Variants in SORCS1 observed in about 807,000 individuals in gnomAD.
SORCS1 encodes VPS10 domain-containing receptor SorCS1.
SORCS1 carries 60 observed loss-of-function variants against 146.1 expected under a neutral mutation model. That is an observed-to-expected ratio of 0.41 (90% CI 0.33 to 0.51). The LOEUF is 0.51. Ranked by LOEUF, SORCS1 falls within the 20% of genes least tolerant of loss-of-function variation. SORCS1 has a pLI of 0.21. For missense variants in SORCS1, 1,352 were observed against 1,487.6 expected, an observed-to-expected ratio of 0.91 and a Z score of 1.50; for synonymous variants, 637 against 584.0, an observed-to-expected ratio of 1.09 and a Z score of -1.31.
At chr10:106,970,147 T>C (rs372461270) in intron 1 of SORCS1, 1 of 152,182 alleles carries the variant, frequency 6.6e-6, no homozygotes, top group African/African-American at 2.4e-5. Flanking sequence ...GTTTCCTCTA[T>C]GGCTGCACTA....
intron 2 of SORCS1, among the ~76,000 whole-genome samples, chr10:106,939,135 C>A (rs1313809854): frequency 6.6e-6 from 1 of 152,096 alleles, no homozygotes; most frequent in Admixed American, 6.5e-5. Context: ...CAGATAATGG[C>A]AAAATTAGAA....
chr10:106,749,705 G>T (rs1332521174), intron 5 of SORCS1, among the ~76,000 whole-genome samples: 2 of 152,140 alleles, frequency 1.3e-5, no homozygotes, highest in African/African-American at 4.8e-5. Flanking sequence ...ATCAAAATGA[G>T]ATTGCCACAT....
At chr10:106,618,837 T>C (rs950550919) in intron 20 of SORCS1, among the ~76,000 whole-genome samples, 1 of 152,092 alleles carries the variant, frequency 6.6e-6, no homozygotes, top group African/African-American at 2.4e-5. Flanking sequence ...TGGAAGTAGC[T>C]GCTGTGGAAA....
At chr10:107,088,168 G>T (rs879676934) in intron 1 of SORCS1, among the ~76,000 whole-genome samples, 1 of 128,964 alleles carries the variant, frequency 7.8e-6, no homozygotes, top group Admixed American at 7.6e-5. Flanking sequence ...GATTACAGGG[G>T]TGAGCCACCG....
At chr10:106,758,209 A>G (rs921417197) in intron 5 of SORCS1, among the ~76,000 whole-genome samples, 2 of 152,218 alleles carry the variant, frequency 1.3e-5, no homozygotes, top group Non-Finnish European at 2.9e-5. Flanking sequence ...AGGAAAGAAA[A>G]TATTGCAATT....
In SORCS1 at chr10:106,577,396, G is replaced by A. The variant is rs368900783; in HGVS notation, c.*24C>T. 1.0e-4 allele frequency: 164 copies of A among 1,613,662 alleles called. No individual in the cohort carries two copies. The African/African-American group carries it at 1.8e-3, about 18-fold the overall frequency. ...GAAATTCTTTCCTGATCAGCAGGTC[G>A]CCTGTAGCCTTTGGGGGTTTTCCTT... On this transcript the variant is annotated 3_prime_UTR_variant, in exon 26 of 26. Transcript: ENST00000263054.
intron 3 of SORCS1, among the ~76,000 whole-genome samples, chr10:106,797,325 A>G (rs1403331779): frequency 2.0e-5 from 3 of 151,964 alleles, no homozygotes; most frequent in Non-Finnish European, 4.4e-5. Context: ...TAACTCAAAT[A>G]TACAATTTTT....
chr10:106,883,687 A>G (rs1371178926), intron 2 of SORCS1, among the ~76,000 whole-genome samples: 1 of 152,224 alleles, frequency 6.6e-6, no homozygotes, highest in African/African-American at 2.4e-5. Flanking sequence ...TGGTAGGATT[A>G]CAGGCGTGAG....
At chr10:106,947,962 G>A (rs1462185136) in intron 2 of SORCS1, among the ~76,000 whole-genome samples, 2 of 152,104 alleles carry the variant, frequency 1.3e-5, no homozygotes, top group East Asian at 3.9e-4. Context: ...AGTTAATTAA[G>A]CATGCAGTTG....
chr10:106,885,031 A>G (rs1344327011), intron 2 of SORCS1, among the ~76,000 whole-genome samples: 1 of 152,232 alleles, frequency 6.6e-6, no homozygotes, highest in African/African-American at 2.4e-5. Context: ...AAAGACTGAT[A>G]AAATCATGGA....
intron 1 of SORCS1, among the ~76,000 whole-genome samples, chr10:107,015,636 A>G (rs868757717): frequency 1.3e-5 from 2 of 152,222 alleles, no homozygotes; most frequent in Non-Finnish European, 1.5e-5. Flanking sequence ...ATAATACAAT[A>G]TCATGCAACA....
At chr10:106,947,770 A>G (rs1012570117) in intron 2 of SORCS1, among the ~76,000 whole-genome samples, 1 of 152,166 alleles carries the variant, frequency 6.6e-6, no homozygotes, top group Admixed American at 6.5e-5. Context: ...TGCTTGAACC[A>G]GAGAGAGGCA....
At chr10:106,950,058 C>T (rs530780155) in intron 2 of SORCS1, among the ~76,000 whole-genome samples, 5 of 152,198 alleles carry the variant, frequency 3.3e-5, no homozygotes, top group African/African-American at 7.2e-5. Flanking sequence ...AAAACCACCA[C>T]GCTCTCCAAT....
chr10:106,599,023 T>A (rs940458288), intron 23 of SORCS1, among the ~76,000 whole-genome samples: 16 of 152,318 alleles, frequency 1.1e-4, no homozygotes, highest in Admixed American at 7.2e-4. Flanking sequence ...AACAACTTTA[T>A]TCTGTGTATT....
chr10:106,716,181 G>A (rs1357933583), intron 6 of SORCS1, among the ~76,000 whole-genome samples: 1 of 152,122 alleles, frequency 6.6e-6, no homozygotes, highest in Non-Finnish European at 1.5e-5. Flanking sequence ...ATAGGCAGCA[G>A]ACAGCACTGC....
Position 106,672,808 on chromosome 10 carries a change from T to C in SORCS1, c.2058+60A>G, listed in dbSNP as rs568386438. The C allele has an allele frequency of 7.8e-5, 111 of 1,432,068 alleles. No individual in the cohort carries two copies. In the African/African-American group the frequency reaches 1.5e-3, roughly 20 times the overall value. 88.7% of individuals were successfully genotyped at this position (1,432,068 alleles called of 1,614,324 possible). On this transcript the variant is annotated intron_variant, in intron 15 of 25. Transcript: ENST00000263054. Reference sequence around the variant, plus strand: ...AGTTCCTATACCTTAGCAACTAGCTTTCCCCCAACACCACTCATGCTTCCT... The same window carrying C: ...AGTTCCTATACCTTAGCAACTAGCTCTCCCCCAACACCACTCATGCTTCCT...
intron 14 of SORCS1, among the ~76,000 whole-genome samples, chr10:106,674,254 A>T (rs1356979521): frequency 1.4e-5 from 2 of 143,780 alleles, no homozygotes; most frequent in Admixed American, 7.3e-5. Context: ...GCATGAACCC[A>T]GGAGGCAGAG....
At chr10:106,719,171 A>C (rs1026790747) in intron 6 of SORCS1, among the ~76,000 whole-genome samples, 12 of 152,310 alleles carry the variant, frequency 7.9e-5, no homozygotes, top group Admixed American at 2.0e-4. Context: ...AGAAAAGAAG[A>C]AAGCAAGCAA....
At chr10:107,032,293 T>G (rs947686776) in intron 1 of SORCS1, among the ~76,000 whole-genome samples, 3 of 152,212 alleles carry the variant, frequency 2.0e-5, no homozygotes, top group Non-Finnish European at 4.4e-5. Flanking sequence ...TTATTACATT[T>G]ATAAAGAGGC....
Sources: gnomAD v4.1 joint callset for allele counts (sites outside exome capture counted in the v4.1 genomes callset) on GRCh38, gnomAD v4.1.1 for gene constraint, MANE v1.5 for transcripts, NCBI Gene and HGNC (gene_info 2026-07-23, HGNC 2026-07-21) for gene names.